The following ANXA8 variants were observed in gnomAD, a reference collection of about 807,000 sequenced individuals.
The protein encoded by ANXA8 is annexin A8.
Under a neutral mutation model 26.8 loss-of-function variants are expected in ANXA8, and 9 were observed. The ratio of observed to expected loss-of-function variants is 0.34; its 90% confidence interval spans 0.20 to 0.59. The LOEUF is 0.59. Among genes scored for constraint, ANXA8 ranks in the 20% least tolerant of loss-of-function variants. The probability of loss-of-function intolerance (pLI) is 0.84; values close to 1 mark genes in which losing one functional copy is unlikely to be tolerated. For missense variants in ANXA8, 83 were observed against 238.5 expected, an observed-to-expected ratio of 0.35 and a Z score of 4.29; for synonymous variants, 39 against 94.8, an observed-to-expected ratio of 0.41 and a Z score of 3.42.
chr10:47,633,006 G>T, the ANXA8 span, among the ~76,000 whole-genome samples: 12 of 138,612 alleles, frequency 8.7e-5, no homozygotes, highest in African/African-American at 3.4e-4. Flanking sequence ...GGAAACAGGA[G>T]GGTGGAGGGT....
chr10:47,695,842 G>A, the ANXA8 span, among the ~76,000 whole-genome samples: 4 of 151,598 alleles, frequency 2.6e-5, no homozygotes, highest in Admixed American at 6.6e-5. Flanking sequence ...TACTCTATCC[G>A]CCTTAGATAT....
chr10:47,508,146 C>T, the ANXA8 span, among the ~76,000 whole-genome samples: 40 of 104,916 alleles, frequency 3.8e-4, no homozygotes, highest in Non-Finnish European at 4.3e-4. Flanking sequence ...CTCACCACAA[C>T]CTCTGCCTCC....
chr10:47,497,648 AT>A, the ANXA8 span, among the ~76,000 whole-genome samples: 4 of 141,776 alleles, frequency 2.8e-5, no homozygotes, highest in Admixed American at 1.4e-4. Context: ...CAAAACACCT[AT>A]TTTGACAGCC....
the ANXA8 span, among the ~76,000 whole-genome samples, chr10:47,954,778 T>G: frequency 6.6e-6 from 1 of 151,096 alleles, no homozygotes; most frequent in Non-Finnish European, 1.5e-5. Context: ...CAAGGACTTA[T>G]AAACAAATAT....
At chr10:47,706,615 C>G in the ANXA8 span, 4 of 895,054 alleles carry the variant, frequency 4.5e-6, no homozygotes, top group Non-Finnish European at 7.1e-6. Context: ...AAAGCTTTGG[C>G]AGAATCTTGG....
chr10:47,711,716 A>G, the ANXA8 span, among the ~76,000 whole-genome samples: 1 of 121,206 alleles, frequency 8.3e-6, no homozygotes, highest in Non-Finnish European at 1.6e-5. Flanking sequence ...GGTCACAGGT[A>G]TAGTGGAGCT....
At chr10:47,685,269 C>T in the ANXA8 span, among the ~76,000 whole-genome samples, 1 of 150,818 alleles carries the variant, frequency 6.6e-6, no homozygotes, top group South Asian at 2.1e-4. Context: ...TCGCTTGAAC[C>T]CAGGAGGCAG....
the ANXA8 span, among the ~76,000 whole-genome samples, chr10:47,513,506 C>G: frequency 7.0e-6 from 1 of 142,034 alleles, no homozygotes; most frequent in African/African-American, 2.6e-5. Flanking sequence ...CAAAATACCA[C>G]CATCCTTCTT....
At chr10:47,946,644 A>G in the ANXA8 span, among the ~76,000 whole-genome samples, 1 of 150,636 alleles carries the variant, frequency 6.6e-6, no homozygotes, top group Non-Finnish European at 1.5e-5. Context: ...CCATCCAAGG[A>G]GAAGTCTGAA....
the ANXA8 span, among the ~76,000 whole-genome samples, chr10:47,743,170 CAAAAAAA>C: frequency 2.7e-5 from 1 of 37,020 alleles, no homozygotes; most frequent in East Asian, 9.3e-4. Context: ...GACTCTGTCT[CAAAAAAA>C]AAAAAAAAAA....
At chr10:47,668,448 T>C in the ANXA8 span, among the ~76,000 whole-genome samples, 2 of 148,936 alleles carry the variant, frequency 1.3e-5, no homozygotes, top group Non-Finnish European at 3.0e-5. Flanking sequence ...TTTTGATTTT[T>C]AGTAGACAAG....
the ANXA8 span, chr10:47,970,642 T>C: frequency 6.6e-6 from 1 of 151,432 alleles, no homozygotes; most frequent in African/African-American, 2.4e-5. Flanking sequence ...TGTAGGTGTG[T>C]AATGAAGTGT....
At chr10:47,738,945 C>T in the ANXA8 span, among the ~76,000 whole-genome samples, 2 of 151,516 alleles carry the variant, frequency 1.3e-5, no homozygotes, top group African/African-American at 2.4e-5. Flanking sequence ...TCATGTCTCA[C>T]ATGCCTCACA....
the ANXA8 span, among the ~76,000 whole-genome samples, chr10:47,733,206 T>TTTCC: frequency 1.1e-5 from 1 of 91,256 alleles, no homozygotes; most frequent in East Asian, 3.4e-4. Context: ...TCTTTCTTTC[T>TTTCC]TTCTTTCTTT....
At chr10:47,703,139 C>A in the ANXA8 span, among the ~76,000 whole-genome samples, 1 of 151,362 alleles carries the variant, frequency 6.6e-6, no homozygotes, top group Admixed American at 6.6e-5. Flanking sequence ...TGGATTAGAA[C>A]CCATAGATTA....
At chr10:47,700,810 G>A in the ANXA8 span, among the ~76,000 whole-genome samples, 1 of 148,636 alleles carries the variant, frequency 6.7e-6, no homozygotes, top group Non-Finnish European at 1.5e-5. Context: ...GTCTGGGTGT[G>A]GTTGTTCACA....
chr10:47,596,747 C>T, the ANXA8 span, among the ~76,000 whole-genome samples: 1 of 147,088 alleles, frequency 6.8e-6, no homozygotes, highest in Admixed American at 6.7e-5. Flanking sequence ...ACTGAACAGA[C>T]CAACAATGAA....
At chr10:47,707,511 T>C in the ANXA8 span, among the ~76,000 whole-genome samples, 1 of 142,170 alleles carries the variant, frequency 7.0e-6, no homozygotes, top group Non-Finnish European at 1.6e-5. Flanking sequence ...CTCAGCCTCC[T>C]GAATAGCTGG....
the ANXA8 span, among the ~76,000 whole-genome samples, chr10:47,674,044 T>A: frequency 1.3e-5 from 2 of 151,858 alleles, no homozygotes; most frequent in South Asian, 4.1e-4. Flanking sequence ...TTGTAGAATG[T>A]CATTCTATTG....
Sources: allele counts gnomAD v4.1 joint callset (sites outside exome capture counted in the v4.1 genomes callset), GRCh38; gene constraint gnomAD v4.1.1; transcripts MANE v1.5; gene names NCBI Gene and HGNC (gene_info 2026-07-23, HGNC 2026-07-21).